BABAM2: variants seen among roughly 807,000 people sequenced by gnomAD.
The protein encoded by BABAM2 is BRISC and BRCA1-A complex member 2.
In BABAM2, 31 loss-of-function variants were observed where a neutral mutation model predicts 54.7. The observed-to-expected ratio is 0.57, with a 90% CI of 0.43 to 0.77. BABAM2 has a LOEUF of 0.77. Ranked by LOEUF, BABAM2 falls within the 30% of genes least tolerant of loss-of-function variation. The pLI, the probability that BABAM2 is intolerant of heterozygous loss-of-function variation, is 0.00. For missense variants in BABAM2, 364 were observed against 455.8 expected, an observed-to-expected ratio of 0.80 and a Z score of 1.83; for synonymous variants, 167 against 162.9, an observed-to-expected ratio of 1.03 and a Z score of -0.19.
At chr2:27,984,443 T>A (rs1672247299) in intron 3 of BABAM2, among the ~76,000 whole-genome samples, 1 of 152,050 alleles carries the variant, frequency 6.6e-6, no homozygotes, top group South Asian at 2.1e-4. Flanking sequence ...ACTTTTGAAT[T>A]TTATGATTTA....
intron 7 of BABAM2, among the ~76,000 whole-genome samples, chr2:28,136,805 C>T (rs1427168097): frequency 6.6e-6 from 1 of 152,078 alleles, no homozygotes; most frequent in Non-Finnish European, 1.5e-5. Flanking sequence ...CTGGGATCTA[C>T]AAGGGCTGGG....
intron 11 of BABAM2, among the ~76,000 whole-genome samples, chr2:28,318,576 C>A (rs1178749728): frequency 1.3e-5 from 2 of 152,232 alleles, no homozygotes; most frequent in Non-Finnish European, 2.9e-5. Flanking sequence ...TAGGGGCTAA[C>A]TGGAAAGGGC....
chr2:27,960,302 G>A (rs548302081), intron 3 of BABAM2, among the ~76,000 whole-genome samples: 2 of 152,276 alleles, frequency 1.3e-5, no homozygotes, highest in Admixed American at 1.3e-4. Context: ...GCACTATTTT[G>A]TGGGAGCTAA....
At chr2:28,114,647 C>T (rs1435515826) in intron 6 of BABAM2, among the ~76,000 whole-genome samples, 2 of 152,192 alleles carry the variant, frequency 1.3e-5, no homozygotes, top group African/African-American at 2.4e-5. Context: ...ACTCAGTGAA[C>T]ACCATATAAT....
At chr2:28,037,747 C>G (rs1676767332) in intron 5 of BABAM2, among the ~76,000 whole-genome samples, 1 of 152,164 alleles carries the variant, frequency 6.6e-6, no homozygotes, top group South Asian at 2.1e-4. Flanking sequence ...TCAAGTTGCA[C>G]TTTTTGTCAC....
chr2:28,099,832 A>G (rs548464229), intron 6 of BABAM2, among the ~76,000 whole-genome samples: 2 of 152,148 alleles, frequency 1.3e-5, no homozygotes, highest in African/African-American at 2.4e-5. Context: ...CAGGTTTGCT[A>G]TTTCCCGATA....
intron 5 of BABAM2, among the ~76,000 whole-genome samples, chr2:28,043,121 T>C (rs1677253901): frequency 6.6e-6 from 1 of 151,646 alleles, no homozygotes; most frequent in South Asian, 2.1e-4. Flanking sequence ...TGGACAGTTG[T>C]TGGGAGCATG....
chr2:27,913,084 C>G (rs960496796), intron 2 of BABAM2, among the ~76,000 whole-genome samples: 1 of 151,698 alleles, frequency 6.6e-6, no homozygotes, highest in Non-Finnish European at 1.5e-5. Context: ...GATGGAAGAA[C>G]AGATTAAAAA....
At chr2:27,989,609 A>G (rs949351523) in intron 4 of BABAM2, among the ~76,000 whole-genome samples, 6 of 152,176 alleles carry the variant, frequency 3.9e-5, no homozygotes, top group African/African-American at 1.2e-4. Flanking sequence ...GCTAGGAGCC[A>G]TTGAAGGAAA....
chr2:28,024,588 C>T (rs902888596), intron 4 of BABAM2, among the ~76,000 whole-genome samples: 4 of 152,176 alleles, frequency 2.6e-5, no homozygotes, highest in African/African-American at 7.2e-5. Context: ...CCAAGCTGAA[C>T]TAGCTGCTTT....
chr2:27,974,348 C>A (rs959050079), intron 3 of BABAM2, among the ~76,000 whole-genome samples: 9 of 151,974 alleles, frequency 5.9e-5, no homozygotes, highest in Admixed American at 1.3e-4. Context: ...AAAATACATA[C>A]ATATATATGT....
At chr2:28,239,890 A>G (rs1682254742) in intron 8 of BABAM2, among the ~76,000 whole-genome samples, 1 of 152,180 alleles carries the variant, frequency 6.6e-6, no homozygotes, top group Non-Finnish European at 1.5e-5. Context: ...CAGAGGGAGC[A>G]TTCCCTTCCA....
intron 7 of BABAM2, among the ~76,000 whole-genome samples, chr2:28,153,894 T>C (rs766005100): frequency 6.6e-6 from 1 of 152,236 alleles, no homozygotes; most frequent in African/African-American, 2.4e-5. Flanking sequence ...TTTTCTGTGG[T>C]CTATCTTGAT....
At chr2:28,221,899 G>C (rs538315105) in intron 7 of BABAM2, among the ~76,000 whole-genome samples, 1 of 152,304 alleles carries the variant, frequency 6.6e-6, no homozygotes, top group Admixed American at 6.5e-5. Flanking sequence ...TGTGATGGGA[G>C]CGAACTTAAG....
At chr2:27,932,456 T>C (rs1668165266) in intron 3 of BABAM2, among the ~76,000 whole-genome samples, 1 of 152,218 alleles carries the variant, frequency 6.6e-6, no homozygotes, top group Non-Finnish European at 1.5e-5. Flanking sequence ...CTATAGTTTT[T>C]CTTCAAATAA....
chr2:27,971,155 T>C (rs1671186084), intron 3 of BABAM2, among the ~76,000 whole-genome samples: 1 of 152,126 alleles, frequency 6.6e-6, no homozygotes, highest in African/African-American at 2.4e-5. Flanking sequence ...ACTTTGGGAC[T>C]GTATCCTGTT....
chr2:28,196,177 A>C (rs1264558273), intron 7 of BABAM2, among the ~76,000 whole-genome samples: 1 of 151,910 alleles, frequency 6.6e-6, no homozygotes, highest in African/African-American at 2.4e-5. Context: ...AATACAAAAA[A>C]TTAGCTGGGC....
intron 7 of BABAM2, among the ~76,000 whole-genome samples, chr2:28,170,947 A>G (rs370922924): frequency 8.5e-5 from 13 of 152,244 alleles, no homozygotes; most frequent in Non-Finnish European, 2.9e-5. Flanking sequence ...GCTTCAGAGT[A>G]CATTTCCTCC....
chr2:28,286,121 A>C (rs555444677), intron 10 of BABAM2, among the ~76,000 whole-genome samples: 20 of 151,804 alleles, frequency 1.3e-4, no homozygotes, highest in African/African-American at 4.6e-4. Flanking sequence ...ACGCCCAGCT[A>C]ATTTTTGTAT....
Sources: allele counts gnomAD v4.1 joint callset (sites outside exome capture counted in the v4.1 genomes callset), GRCh38; gene constraint gnomAD v4.1.1; transcripts MANE v1.5; gene names NCBI Gene and HGNC (gene_info 2026-07-23, HGNC 2026-07-21).